Variants in RAD51B observed in about 807,000 individuals in gnomAD.
RAD51B encodes RAD51 paralog B.
RAD51B carries 38 observed loss-of-function variants against 42.2 expected under a neutral mutation model. The ratio of observed to expected loss-of-function variants is 0.90; its 90% CI spans 0.70 to 1.18. The LOEUF (loss-of-function observed/expected upper bound fraction) is 1.18. Among genes scored for constraint, RAD51B ranks in the 50% most tolerant of loss-of-function variants. The pLI is 0.00. For synonymous variants in RAD51B, 154 were observed against 145.2 expected (o/e 1.06, Z -0.43); for missense variants, 373 against 400.7 (o/e 0.93, Z 0.59).
At chr14:68,047,368 C>T (rs2076319181) in intron 7 of RAD51B, among the ~76,000 whole-genome samples, 1 of 152,096 alleles carries the variant, frequency 6.6e-6, no homozygotes, top group Non-Finnish European at 1.5e-5. Context: ...CTATCTGCCC[C>T]TGTTCTGTGT....
At chr14:68,086,207 G>A (rs1470290584) in intron 7 of RAD51B, among the ~76,000 whole-genome samples, 1 of 152,166 alleles carries the variant, frequency 6.6e-6, no homozygotes, top group Non-Finnish European at 1.5e-5. Context: ...GAGTTGGGCC[G>A]CCCAGAGGCC....
chr14:67,907,715 G>A (rs2043823683), intron 7 of RAD51B, among the ~76,000 whole-genome samples: 2 of 152,134 alleles, frequency 1.3e-5, no homozygotes, highest in African/African-American at 4.8e-5. Flanking sequence ...AGACTTACAG[G>A]GAGAGAATAT....
At chr14:68,316,713 T>C (rs1332396810) in intron 8 of RAD51B, among the ~76,000 whole-genome samples, 1 of 152,232 alleles carries the variant, frequency 6.6e-6, no homozygotes, top group Admixed American at 6.5e-5. Context: ...GACGCACCTC[T>C]TGGCTAATGA....
chr14:68,097,208 TC>T (rs1430310265), intron 7 of RAD51B, among the ~76,000 whole-genome samples: 1 of 152,212 alleles, frequency 6.6e-6, no homozygotes, highest in Non-Finnish European at 1.5e-5. Context: ...TTTGTATTTT[TC>T]TTAAGTTCAT....
intron 7 of RAD51B, among the ~76,000 whole-genome samples, chr14:68,105,420 T>A (rs1168132881): frequency 6.6e-6 from 1 of 152,064 alleles, no homozygotes; most frequent in African/African-American, 2.4e-5. Flanking sequence ...TATGATTGAT[T>A]ATACTTGCCT....
intron 8 of RAD51B, among the ~76,000 whole-genome samples, chr14:68,330,225 C>T (rs764185420): frequency 3.3e-5 from 5 of 152,018 alleles, no homozygotes; most frequent in Non-Finnish European, 5.9e-5. Context: ...TGATTAAAAG[C>T]ATGGAAAATC....
intron 7 of RAD51B, among the ~76,000 whole-genome samples, chr14:68,179,660 A>G (rs2079022533): frequency 1.3e-5 from 2 of 152,174 alleles, no homozygotes; most frequent in Non-Finnish European, 2.9e-5. Context: ...TATATGTCAT[A>G]TGGAATTTTT....
chr14:68,116,523 A>G (rs577735911), intron 7 of RAD51B, among the ~76,000 whole-genome samples: 2 of 152,316 alleles, frequency 1.3e-5, no homozygotes, highest in Admixed American at 1.3e-4. Flanking sequence ...CAGCTTTCAT[A>G]GGAATCTGCC....
chr14:67,854,246 C>T (rs1281184242), intron 4 of RAD51B, among the ~76,000 whole-genome samples: 1 of 152,182 alleles, frequency 6.6e-6, no homozygotes, highest in Non-Finnish European at 1.5e-5. Flanking sequence ...TCTTCCCCTT[C>T]CTCCAAAACA....
intron 7 of RAD51B, among the ~76,000 whole-genome samples, chr14:68,148,567 A>T (rs187871774): frequency 5.8e-4 from 88 of 152,272 alleles, no homozygotes; most frequent in African/African-American, 2.1e-3. Context: ...TTGATTTTTC[A>T]ATGGTGTGAA....
intron 7 of RAD51B, among the ~76,000 whole-genome samples, chr14:68,146,749 A>AT (rs1249437741): frequency 2.0e-5 from 3 of 152,206 alleles, no homozygotes; most frequent in Admixed American, 1.3e-4. Flanking sequence ...TTATGGCTAC[A>AT]TAAGTAAAAG....
intron 11 of RAD51B, among the ~76,000 whole-genome samples, chr14:68,651,736 T>C (rs897507767): frequency 6.6e-6 from 1 of 152,232 alleles, no homozygotes; most frequent in Admixed American, 6.5e-5. Flanking sequence ...AAAGGCTGCC[T>C]GCCTTTGAAC....
At chr14:68,082,347 G>A (rs1385188956) in intron 7 of RAD51B, among the ~76,000 whole-genome samples, 2 of 152,146 alleles carry the variant, frequency 1.3e-5, no homozygotes, top group South Asian at 2.1e-4. Context: ...TTACAGAGCT[G>A]TACGTAGGAA....
chr14:67,916,688 T>G (rs549604462), intron 7 of RAD51B, among the ~76,000 whole-genome samples: 10 of 152,232 alleles, frequency 6.6e-5, no homozygotes, highest in Non-Finnish European at 1.3e-4. Context: ...CAGGCCAACC[T>G]GAGTTCTAAC....
chr14:68,348,906 CTGGGATAA>C (rs1199494209), intron 8 of RAD51B, among the ~76,000 whole-genome samples: 2 of 152,166 alleles, frequency 1.3e-5, no homozygotes, highest in Non-Finnish European at 2.9e-5. Flanking sequence ...TAGTTTAGAT[CTGGGATAA>C]ACAAACCTTT....
intron 7 of RAD51B, among the ~76,000 whole-genome samples, chr14:68,199,853 A>T (rs2079447798): frequency 6.6e-6 from 1 of 152,180 alleles, no homozygotes; most frequent in Non-Finnish European, 1.5e-5. Flanking sequence ...ACCTACTTGC[A>T]CTGTAGCGTT....
intron 1 of RAD51B, 90 bp from the exon 2 acceptor site, chr14:67,823,452 T>A (rs2040703113): frequency 8.7e-6 from 9 of 1,036,556 alleles, no homozygotes; most frequent in Non-Finnish European, 1.3e-5. Context: ...GAGGAATTTT[T>A]AATTTTGTTT....
chr14:68,640,167 G>T (rs1419894791), intron 10 of RAD51B, among the ~76,000 whole-genome samples: 1 of 152,136 alleles, frequency 6.6e-6, no homozygotes, highest in Non-Finnish European at 1.5e-5. Context: ...GCACATCCAT[G>T]CATTAGGCAT....
chr14:68,460,987 C>G (rs946885118), intron 9 of RAD51B, among the ~76,000 whole-genome samples: 1 of 152,118 alleles, frequency 6.6e-6, no homozygotes. Context: ...TGAAGCTTCT[C>G]TTACGTATAT....
Sources: allele counts gnomAD v4.1 joint callset (sites outside exome capture counted in the v4.1 genomes callset), GRCh38; gene constraint gnomAD v4.1.1; transcripts MANE v1.5; gene names NCBI Gene and HGNC (gene_info 2026-07-23, HGNC 2026-07-21).